Variants in PTPN18 observed in about 807,000 individuals in gnomAD.
The protein encoded by PTPN18 is protein tyrosine phosphatase non-receptor type 18, also known as tyrosine-protein phosphatase non-receptor type 18.
Under a neutral mutation model 65.4 loss-of-function variants are expected in PTPN18, and 65 were observed. The ratio of observed to expected loss-of-function variants is 0.99; its 90% confidence interval spans 0.81 to 1.22. The LOEUF (loss-of-function observed/expected upper bound fraction) is 1.22, where lower values mean the gene tolerates loss of function less well. PTPN18 is among the 50% of genes most tolerant of loss of function. PTPN18 has a pLI of 0.00. For missense variants in PTPN18, 616 were observed against 646.5 expected, an observed-to-expected ratio of 0.95 and a Z score of 0.51; for synonymous variants, 255 against 267.8, an observed-to-expected ratio of 0.95 and a Z score of 0.47.
At chr2:130,366,530 C>CT (rs1453473280) in intron 5 of PTPN18, among the ~76,000 whole-genome samples, 15 of 152,162 alleles carry the variant, frequency 9.9e-5, no homozygotes, top group Admixed American at 8.5e-4. Flanking sequence ...ATTTTTGTGT[C>CT]TATGTTTGTG....
At chr2:130,356,323 G>T in intron 1 of PTPN18, 123 bp downstream of exon 1, 1 of 661,356 alleles carries the variant, frequency 1.5e-6, no homozygotes. Context: ...CCGCCTCGGG[G>T]GGTCTCTCCG....
intron 1 of PTPN18, 50 bp from the exon 2 acceptor site, chr2:130,358,817 C>A: frequency 6.6e-7 from 1 of 1,509,776 alleles, no homozygotes; most frequent in Middle Eastern, 1.7e-4. Flanking sequence ...TCTGACCTGG[C>A]TCCTCTCCTG....
chr2:130,364,015 T>A (rs1358808044), intron 5 of PTPN18, among the ~76,000 whole-genome samples: 2 of 152,078 alleles, frequency 1.3e-5, no homozygotes, highest in Non-Finnish European at 2.9e-5. Context: ...TTTCTTTAAA[T>A]TATGTGGTAA....
chr2:130,366,918 G>A (rs920500934), intron 5 of PTPN18, among the ~76,000 whole-genome samples: 1 of 151,922 alleles, frequency 6.6e-6, no homozygotes, highest in Non-Finnish European at 1.5e-5. Context: ...CAAACTCCTG[G>A]GCTTAAGCAA....
chr2:130,371,118 A>T, intron 11 of PTPN18, 81 bp from the exon 12 acceptor site: 1 of 1,419,172 alleles, frequency 7.0e-7, no homozygotes, highest in Non-Finnish European at 9.7e-7. Context: ...AGGCTCTCCC[A>T]TCTTAAGCTT....
intron 5 of PTPN18, among the ~76,000 whole-genome samples, chr2:130,368,675 TG>T (rs763044919): frequency 6.6e-6 from 1 of 152,248 alleles, no homozygotes; most frequent in Non-Finnish European, 1.5e-5. Flanking sequence ...TGCATACCTC[TG>T]TTCCTTCCAG....
rs1175610917 is a variant in PTPN18, at chr2:130,372,888, G to T, written c.1256G>T (p.Ser419Ile). Residue 419 changes from serine to isoleucine, a missense_variant, in exon 14 of 15, where the codon AGT (serine) becomes ATT (isoleucine). By Grantham distance (142) the Ser-to-Ile change is moderately radical. This residue lies in a region of PTPN18 where 368 missense variants were observed against 386.7 expected (regional missense o/e 0.95). Coordinates refer to ENST00000175756, the MANE Select transcript of PTPN18 (RefSeq NM_014369.4). ...TLPGRVPADQ[S>I]PAGSGAYEDV... Reference sequence around the variant, plus strand: ...CTGCCCTCAGTTCCTGCTGACCAAAGTCCTGCCGGATCTGGCGCCTACGAG... The same window carrying T: ...CTGCCCTCAGTTCCTGCTGACCAAATTCCTGCCGGATCTGGCGCCTACGAG... 6.2e-7 allele frequency: 1 copy of T among 1,614,098 alleles called. No homozygotes were observed.
intron 5 of PTPN18, among the ~76,000 whole-genome samples, chr2:130,364,965 CAG>C (rs370468539): frequency 2.6e-4 from 39 of 149,782 alleles, no homozygotes; most frequent in Non-Finnish European, 2.8e-4. Flanking sequence ...TTCCCATCAG[CAG>C]AGAGAGAGAG....
intron 13 of PTPN18, 176 bp downstream of exon 13, chr2:130,372,659 C>A: frequency 1.0e-6 from 1 of 1,002,142 alleles, no homozygotes; most frequent in Non-Finnish European, 1.4e-6. Context: ...CGCCCCCTGG[C>A]GGTCGCAGTC....
intron 4 of PTPN18, 30 bp from the exon 5 acceptor site, chr2:130,359,578 C>G: frequency 3.1e-6 from 5 of 1,613,922 alleles, no homozygotes; most frequent in Non-Finnish European, 4.2e-6. Flanking sequence ...ACCCAAATCA[C>G]CTTCCTCTCC....
chr2:130,372,376 C>CGGGGGCGCGCAGCGCGGA lies in PTPN18; in HGVS notation c.1136_1153dup (p.Gly379_Glu384dup), dbSNP rs1680597812. 7.3e-7 allele frequency: 1 copy of CGGGGGCGCGCAGCGCGGA among 1,367,512 alleles called. No homozygotes were observed. The highest frequency in any genetic ancestry group is 3.7e-5 in the Admixed American group (1 of 26,734). The allele number at this position is 1,367,512 out of a possible 1,614,324, so 84.7% of individuals were successfully genotyped here. A position where few individuals can be genotyped will look rare whatever the true frequency, so the allele number is the denominator to read the frequency against. On this transcript the variant is annotated inframe_insertion, in exon 13 of 15. Coordinates refer to ENST00000175756, the MANE Select transcript of PTPN18 (RefSeq NM_014369.4). ...ACGCAGACGGGGACGGGGACGGGGA[C>CGGGGGCGCGCAGCGCGGA]GGGGGCGCGCAGCGCGGAGGAGGCG...
intron 1 of PTPN18, among the ~76,000 whole-genome samples, chr2:130,357,398 G>A (rs746382951): frequency 1.5e-4 from 23 of 152,162 alleles, no homozygotes; most frequent in Non-Finnish European, 2.9e-4. Flanking sequence ...ATGGTGACAT[G>A]TATCAAGTTT....
rs1214672961 is a variant in PTPN18, at chr2:130,373,022, A to G, written c.1315+75A>G. 2 of 1,589,542 alleles carry G rather than the reference A, an allele frequency of 1.3e-6. No individual in the cohort carries two copies. Among genetic ancestry groups the G allele is most frequent in the East Asian group, 2.2e-5 (1 of 44,636 alleles). The stretch of plus-strand genomic sequence containing the variant: ...CCCAGGAGTCTGGGGTTGATGGGGC[A>G]TGGAGCTTAGTCCTGTGGATGTGGC... On this transcript the variant is annotated intron_variant, in intron 14 of 14. Coordinates refer to ENST00000175756, the MANE Select transcript of PTPN18 (RefSeq NM_014369.4). The surrounding 1 kb of genome is among the most constrained non-coding windows in gnomAD (Gnocchi z 4.1).
At chr2:130,364,177 G>A (rs1287744396) in intron 5 of PTPN18, among the ~76,000 whole-genome samples, 2 of 152,048 alleles carry the variant, frequency 1.3e-5, no homozygotes, top group Non-Finnish European at 2.9e-5. Context: ...TTCAGAACAT[G>A]TTCATCATCC....
chr2:130,372,155 T>C, intron 12 of PTPN18, 102 bp from the exon 13 acceptor site: 2 of 1,178,342 alleles, frequency 1.7e-6, no homozygotes, highest in South Asian at 2.8e-5. Flanking sequence ...GCGCACCGCC[T>C]CGGCGGGAAG....
rs548772725 is a variant in PTPN18 at position 130,372,381 on chromosome 2, G to T, written c.1138G>T (p.Ala380Ser). 4 of 1,366,864 alleles carry T rather than the reference G, an allele frequency of 2.9e-6. No individual in the cohort carries two copies. In the East Asian group the frequency reaches 9.2e-5, roughly 31 times the overall value. The allele number at this position is 1,366,864 out of a possible 1,614,324, so 84.7% of individuals were successfully genotyped here. A position where few individuals can be genotyped will look rare whatever the true frequency, so the allele number is the denominator to read the frequency against. Residue 380 changes from alanine to serine, a missense_variant, in exon 13 of 15, where the codon GCG (alanine) becomes TCG (serine). This residue lies in a region of PTPN18 where 368 missense variants were observed against 386.7 expected (regional missense o/e 0.95). Coordinates refer to ENST00000175756, the MANE Select transcript of PTPN18 (RefSeq NM_014369.4). ...TQTGTGTGTG[A>S]RSAEEAPLYS... ...GACGGGGACGGGGACGGGGACGGGG[G>T]CGCGCAGCGCGGAGGAGGCGCCGCT...
rs187887523 is a variant in PTPN18, at chr2:130,359,594, C to A, written c.376-14C>A. 2.0e-4 allele frequency: 322 copies of A among 1,614,076 alleles called. 1 individual carries two copies. The African/African-American group carries it at 3.9e-3, about 20-fold the overall frequency. On this transcript the variant is annotated splice_polypyrimidine_tract_variant and intron_variant, in intron 4 of 14. Coordinates refer to ENST00000175756, the MANE Select transcript of PTPN18 (RefSeq NM_014369.4). ...CCCAAATCACCTTCCTCTCCCCTGA[C>A]CCTCCTTGTCTAGGTGATCCTGATG...
rs771370531 is a variant in PTPN18, at chr2:130,369,179, C to T, written c.461C>T (p.Thr154Ile). The stretch of plus-strand genomic sequence containing the variant: ...GCCCAGGAGCAGGAGCCACTGCAGA[C>T]TGGGCTTTTCTGCATCACTCTGGTG... ...YWAQEQEPLQ[T>I]GLFCITLIKE... is the part of the protein sequence containing the mutation. The change falls in exon 6 of 15, where the codon ACT becomes ATT. Residue 154 changes from threonine to isoleucine, a missense_variant. Around this residue, in one of 3 missense-constraint regions of PTPN18, gnomAD observed 223 missense variants for 210.0 expected, o/e 1.06. Coordinates refer to ENST00000175756, the MANE Select transcript of PTPN18 (RefSeq NM_014369.4). 2 of 1,613,404 alleles carry T rather than the reference C, an allele frequency of 1.2e-6. No homozygotes were observed. Among genetic ancestry groups the T allele is most frequent in the East Asian group, 2.2e-5 (1 of 44,852 alleles).
At chr2:130,357,810 C>G (rs527949780) in intron 1 of PTPN18, among the ~76,000 whole-genome samples, 4 of 146,760 alleles carry the variant, frequency 2.7e-5, no homozygotes, top group Non-Finnish European at 5.9e-5. Flanking sequence ...GAGCCGAGAT[C>G]GCGCCACTGC....
Sources: gnomAD v4.1 joint callset for allele counts (sites outside exome capture counted in the v4.1 genomes callset) on GRCh38, gnomAD v4.1.1 for gene constraint, gnomAD v4.1.1 regional missense constraint, Gnocchi (gnomAD v3.1) non-coding constraint, MANE v1.5 for transcripts, NCBI Gene and HGNC (gene_info 2026-07-23, HGNC 2026-07-21) for gene names.